CNST: variants seen among roughly 807,000 people sequenced by gnomAD.
CNST encodes the protein consortin.
A neutral mutation model predicts 72.4 loss-of-function variants in CNST; 39 were observed. The observed-to-expected ratio is 0.54, with a 90% CI of 0.42 to 0.70. CNST has a LOEUF of 0.70. Ranked by LOEUF, CNST falls within the 30% of genes least tolerant of loss-of-function variation. The pLI, the probability that CNST is intolerant of heterozygous loss-of-function variation, is 0.00. For synonymous variants in CNST, 332 were observed against 320.1 expected (o/e 1.04, Z -0.40); for missense variants, 871 against 868.5 (o/e 1.00, Z -0.04).
chr1:246,575,885 C>T (rs925131745), intron 1 of CNST, among the ~76,000 whole-genome samples: 1 of 152,024 alleles, frequency 6.6e-6, no homozygotes, highest in Non-Finnish European at 1.5e-5. Flanking sequence ...ATAATATAAG[C>T]TTATTCAAGA....
intron 2 of CNST, among the ~76,000 whole-genome samples, chr1:246,605,425 C>T (rs150077698): frequency 2.2e-4 from 33 of 152,288 alleles, no homozygotes; most frequent in Non-Finnish European, 3.7e-4. Context: ...GCTCTAATAT[C>T]AGTTGGAACC....
At chr1:246,648,126 T>C (rs1383195236) in intron 9 of CNST, 89 bp downstream of exon 9, 16 of 1,478,140 alleles carry the variant, frequency 1.1e-5, no homozygotes, top group Non-Finnish European at 1.4e-5. Context: ...TTGTAAGTTT[T>C]CCCTTGTCTC....
intron 4 of CNST, among the ~76,000 whole-genome samples, chr1:246,633,626 T>C (rs1421108907): frequency 6.9e-6 from 1 of 145,764 alleles, no homozygotes; most frequent in African/African-American, 2.6e-5. Context: ...GCCTGTAGTC[T>C]CAGCTACCTG....
At chr1:246,607,328 G>C (rs989732315) in intron 2 of CNST, 3 of 152,108 alleles carry the variant, frequency 2.0e-5, no homozygotes, top group Non-Finnish European at 4.4e-5. Context: ...CCCAGCAATT[G>C]GACACATTCG....
intron 2 of CNST, among the ~76,000 whole-genome samples, chr1:246,612,778 C>T (rs1322852120): frequency 6.6e-6 from 1 of 151,972 alleles, no homozygotes; most frequent in Non-Finnish European, 1.5e-5. Flanking sequence ...CCAGCTACTT[C>T]AGAGGCTGCA....
intron 2 of CNST, among the ~76,000 whole-genome samples, chr1:246,616,767 A>C (rs534260607): frequency 1.3e-5 from 2 of 151,750 alleles, no homozygotes; most frequent in South Asian, 2.1e-4. Context: ...GTTGGCCAGG[A>C]TGGTCTCAAT....
intron 2 of CNST, among the ~76,000 whole-genome samples, chr1:246,617,130 A>G (rs920635340): frequency 2.0e-5 from 3 of 152,184 alleles, no homozygotes; most frequent in Non-Finnish European, 2.9e-5. Flanking sequence ...ATCCCTTACT[A>G]AAAAGAAATG....
chr1:246,575,315 A>C (rs539880484), intron 1 of CNST, among the ~76,000 whole-genome samples: 3 of 152,352 alleles, frequency 2.0e-5, no homozygotes, highest in African/African-American at 7.2e-5. Flanking sequence ...GAAACAGCCC[A>C]AATGTCCATC....
intron 3 of CNST, among the ~76,000 whole-genome samples, chr1:246,622,745 C>CT (rs36111906): frequency 1.7e-3 from 260 of 150,124 alleles, no homozygotes; most frequent in African/African-American, 6.1e-3. Context: ...GGTGAGGAAA[C>CT]TTTTTTTTTT....
At chr1:246,638,539 C>T (rs750059935) in intron 6 of CNST, among the ~76,000 whole-genome samples, 19 of 152,236 alleles carry the variant, frequency 1.2e-4, no homozygotes, top group Non-Finnish European at 2.6e-4. Flanking sequence ...GAACACATAA[C>T]GAGAATCTGA....
intron 2 of CNST, chr1:246,607,611 G>C (rs1261913994): frequency 6.6e-6 from 1 of 152,426 alleles, no homozygotes; most frequent in African/African-American, 2.4e-5. Flanking sequence ...CTGTAAACAG[G>C]AAGTGTCCCT....
intron 2 of CNST, among the ~76,000 whole-genome samples, chr1:246,602,873 G>A (rs1662389127): frequency 6.9e-6 from 1 of 144,134 alleles, no homozygotes; most frequent in Admixed American, 7.4e-5. Context: ...AGACAGCCCA[G>A]TTAGATAGTT....
chr1:246,637,229 T>C (rs1456028942), intron 6 of CNST, among the ~76,000 whole-genome samples: 1 of 152,200 alleles, frequency 6.6e-6, no homozygotes, highest in Non-Finnish European at 1.5e-5. Context: ...TGGGGAGTCC[T>C]TGGACTCTCA....
In CNST at chr1:246,626,824, A is replaced by C. The variant is rs1358640085; in HGVS notation, c.586-5070A>C. On this transcript the variant is annotated intron_variant, in intron 3 of 10. Transcript: ENST00000366513. ...ACTCAAGATGTCTCATGGGCATTTC[A>C]AACTTAAGATGTACAAACTCAAACT... Among the ~76,000 whole-genome samples, 5 of 152,126 alleles carry C rather than the reference A, an allele frequency of 3.3e-5. No homozygotes were observed. The East Asian group carries it at 9.6e-4, about 29-fold the overall frequency.
At chr1:246,615,171 A>C (rs986504584) in intron 2 of CNST, among the ~76,000 whole-genome samples, 3 of 150,122 alleles carry the variant, frequency 2.0e-5, no homozygotes, top group Admixed American at 1.3e-4. Flanking sequence ...TGGTTATTAC[A>C]AAAAAAAAAT....
chr1:246,659,539 G>C (rs1666968111), intron 9 of CNST, among the ~76,000 whole-genome samples: 1 of 151,884 alleles, frequency 6.6e-6, no homozygotes, highest in Non-Finnish European at 1.5e-5. Flanking sequence ...AGATTGCAGT[G>C]AGCCGAGATC....
chr1:246,578,002 C>T (rs549006186), intron 1 of CNST, among the ~76,000 whole-genome samples: 1 of 152,030 alleles, frequency 6.6e-6, no homozygotes, highest in Non-Finnish European at 1.5e-5. Flanking sequence ...TTTTAAACAT[C>T]ATCTTTAGAG....
At chr1:246,587,124 A>G (rs1457510153) in intron 1 of CNST, among the ~76,000 whole-genome samples, 2 of 152,246 alleles carry the variant, frequency 1.3e-5, no homozygotes, top group African/African-American at 2.4e-5. Flanking sequence ...ACTGATACTT[A>G]GTAAATCTTC....
At chr1:246,575,083 C>T (rs890110575) in intron 1 of CNST, among the ~76,000 whole-genome samples, 5 of 151,928 alleles carry the variant, frequency 3.3e-5, no homozygotes, top group Non-Finnish European at 5.9e-5. Flanking sequence ...GCAGCCTCCA[C>T]CTCCCGGGTT....
Sources: gnomAD v4.1 joint callset for allele counts (sites outside exome capture counted in the v4.1 genomes callset) on GRCh38, gnomAD v4.1.1 for gene constraint, MANE v1.5 for transcripts, NCBI Gene and HGNC (gene_info 2026-07-23, HGNC 2026-07-21) for gene names.